Variants in TLE4 observed in about 807,000 individuals in gnomAD.
The protein encoded by TLE4 is transducin-like enhancer protein 4.
Under a neutral mutation model 92.8 loss-of-function variants are expected in TLE4, and 8 were observed. The ratio of observed to expected loss-of-function variants is 0.09; its 90% confidence interval spans 0.05 to 0.16. TLE4 has a LOEUF of 0.16. Ranked by LOEUF, TLE4 falls within the 10% of genes least tolerant of loss-of-function variation. TLE4 has a pLI of 1.00. For missense variants in TLE4, 675 were observed against 997.6 expected, an observed-to-expected ratio of 0.68 and a Z score of 4.36; for synonymous variants, 371 against 374.1, an observed-to-expected ratio of 0.99 and a Z score of 0.10.
chr9:79,634,949 A>T (rs2055326739), intron 6 of TLE4, among the ~76,000 whole-genome samples: 1 of 152,200 alleles, frequency 6.6e-6, no homozygotes, highest in African/African-American at 2.4e-5. Flanking sequence ...TATTTTAAGT[A>T]AGTGAATGTA....
chr9:79,649,397 C>G, intron 6 of TLE4: 2 of 170,348 alleles, frequency 1.2e-5, no homozygotes, highest in Non-Finnish European at 2.5e-5. Flanking sequence ...GTGTAGGGGG[C>G]AGTGGAGGAC....
intron 6 of TLE4, among the ~76,000 whole-genome samples, chr9:79,647,247 A>G (rs563161427): frequency 1.3e-5 from 2 of 152,300 alleles, no homozygotes; most frequent in South Asian, 2.1e-4. Flanking sequence ...TAAAGAATAT[A>G]TGGGAACTCT....
chr9:79,621,810 C>T (rs990143381), intron 5 of TLE4, among the ~76,000 whole-genome samples: 3 of 152,154 alleles, frequency 2.0e-5, no homozygotes, highest in African/African-American at 4.8e-5. Flanking sequence ...TCTCTAAAGG[C>T]CTTTTCCAGT....
intron 4 of TLE4, among the ~76,000 whole-genome samples, chr9:79,594,513 A>ATT (rs74532491): frequency 0.011 from 1,670 of 146,096 alleles, 35 homozygotes; most frequent in African/African-American, 0.039. Context: ...TTTGTTTTGT[A>ATT]TTTTTTTTTT....
chr9:79,646,017 C>G (rs1450529724), intron 6 of TLE4, among the ~76,000 whole-genome samples: 2 of 152,004 alleles, frequency 1.3e-5, no homozygotes, highest in East Asian at 3.9e-4. Context: ...ATACTCTAGT[C>G]TATGCCCTCT....
intron 16 of TLE4, 64 bp from the exon 17 acceptor site, chr9:79,721,677 T>A: frequency 6.2e-7 from 1 of 1,604,604 alleles, no homozygotes; most frequent in African/African-American, 1.3e-5. Context: ...ATCAAGGAAT[T>A]CTAAATTGAT....
intron 6 of TLE4, among the ~76,000 whole-genome samples, chr9:79,635,246 G>T (rs765881982): frequency 8.6e-5 from 13 of 151,694 alleles, no homozygotes; most frequent in Admixed American, 1.3e-4. Context: ...TGTCTTTTTT[G>T]CTGTCTCTGT....
At chr9:79,608,685 C>T (rs2047659024) in intron 4 of TLE4, among the ~76,000 whole-genome samples, 1 of 152,078 alleles carries the variant, frequency 6.6e-6, no homozygotes, top group South Asian at 2.1e-4. Flanking sequence ...AAATGGTTTC[C>T]TAATAACGCT....
At chr9:79,591,321 A>G (rs1411357709) in intron 4 of TLE4, among the ~76,000 whole-genome samples, 1 of 152,202 alleles carries the variant, frequency 6.6e-6, no homozygotes, top group African/African-American at 2.4e-5. Context: ...AGGAAAGGGT[A>G]GGATTCCAAG....
At chr9:79,596,270 T>G (rs944818157) in intron 4 of TLE4, among the ~76,000 whole-genome samples, 2 of 152,156 alleles carry the variant, frequency 1.3e-5, no homozygotes, top group African/African-American at 4.8e-5. Context: ...CTGCCTCGCC[T>G]CCTCCTGCCT....
chr9:79,640,508 G>A (rs2056912402), intron 6 of TLE4, among the ~76,000 whole-genome samples: 2 of 151,426 alleles, frequency 1.3e-5, no homozygotes, highest in African/African-American at 2.4e-5. Flanking sequence ...TATTCATATG[G>A]CCATTCCTTC....
intron 8 of TLE4, among the ~76,000 whole-genome samples, chr9:79,675,979 G>A (rs1469173316): frequency 6.6e-6 from 1 of 152,134 alleles, no homozygotes; most frequent in Middle Eastern, 3.4e-3. Context: ...CAAAAGTTTT[G>A]GACTTTGGAT....
intron 4 of TLE4, among the ~76,000 whole-genome samples, chr9:79,593,273 T>TA (rs2043136753): frequency 6.6e-6 from 1 of 152,174 alleles, no homozygotes; most frequent in Non-Finnish European, 1.5e-5. Context: ...GTCAGAAACA[T>TA]ACGTTGCTTT....
intron 8 of TLE4, among the ~76,000 whole-genome samples, chr9:79,702,329 AGAAGT>A (rs1282376422): frequency 6.6e-6 from 1 of 152,194 alleles, no homozygotes; most frequent in African/African-American, 2.4e-5. Flanking sequence ...TATGAATTCC[AGAAGT>A]GAGGTGGATA....
In TLE4 at chr9:79,652,730, A is replaced by G. The variant is rs1212814545; in HGVS notation, c.528A>G (p.Leu176=). The change falls in exon 7 of 20, where the codon CTA becomes CTG. Residue 176 remains leucine, a synonymous_variant. Coordinates refer to ENST00000376552, the MANE Select transcript of TLE4 (RefSeq NM_007005.6). ...SAGLLALSSA[L]GGQSHLPIKD... is the part of the protein sequence containing the mutation. ...GGCTTCTGGCCCTCTCCAGTGCTCTAGGAGGTCAGTCCCATCTTCCAATTA... is the reference window on the plus strand; with the variant it reads ...GGCTTCTGGCCCTCTCCAGTGCTCTGGGAGGTCAGTCCCATCTTCCAATTA... 4 of 1,614,016 alleles carry G rather than the reference A, an allele frequency of 2.5e-6. No homozygotes were observed. The Admixed American group carries it at 5.0e-5, about 20-fold the overall frequency.
intron 14 of TLE4, among the ~76,000 whole-genome samples, chr9:79,714,074 T>C (rs2073975373): frequency 6.6e-6 from 1 of 151,972 alleles, no homozygotes; most frequent in Non-Finnish European, 1.5e-5. Context: ...CACTGACTGG[T>C]CTCCGAACTC....
At chr9:79,717,916 C>G in intron 14 of TLE4, 1 of 454,482 alleles carries the variant, frequency 2.2e-6, no homozygotes, top group South Asian at 1.6e-5. Context: ...AACAGCCTCA[C>G]TCGTCCCTTC....
chr9:79,581,322 A>T (rs1382785016), intron 4 of TLE4, among the ~76,000 whole-genome samples: 6 of 152,208 alleles, frequency 3.9e-5, no homozygotes, highest in African/African-American at 1.4e-4. Context: ...CAGCACCTGC[A>T]CGGGAAGCAG....
chr9:79,587,955 A>G (rs1050705149), intron 4 of TLE4, among the ~76,000 whole-genome samples: 11 of 152,166 alleles, frequency 7.2e-5, no homozygotes, highest in Admixed American at 4.6e-4. Flanking sequence ...CTTATTGTGT[A>G]TGAGGAAACT....
Sources: gnomAD v4.1 joint callset for allele counts (sites outside exome capture counted in the v4.1 genomes callset) on GRCh38, gnomAD v4.1.1 for gene constraint, MANE v1.5 for transcripts, NCBI Gene and HGNC (gene_info 2026-07-23, HGNC 2026-07-21) for gene names.